CRK: variants seen among roughly 807,000 people sequenced by gnomAD.
CRK encodes the protein adapter molecule crk.
CRK carries 4 observed loss-of-function variants against 29.8 expected under a neutral mutation model. That is an observed-to-expected ratio of 0.13 (90% CI 0.07 to 0.31). CRK has a LOEUF of 0.31. CRK is among the 10% of genes least tolerant of loss of function. The pLI is 1.00. For missense variants in CRK, 274 were observed against 396.5 expected (o/e 0.69, Z 2.62); for synonymous variants, 153 against 164.9 (o/e 0.93, Z 0.55).
chr17:1,428,001 G>C (rs1314591003), intron 2 of CRK, among the ~76,000 whole-genome samples: 1 of 151,922 alleles, frequency 6.6e-6, no homozygotes, highest in Admixed American at 6.6e-5. Flanking sequence ...TCTAAGAGGT[G>C]AAGGGTAGGT....
chr17:1,430,668 TTC>T (rs1313876008), intron 2 of CRK, among the ~76,000 whole-genome samples: 1 of 150,310 alleles, frequency 6.7e-6, no homozygotes, highest in Non-Finnish European at 1.5e-5. Context: ...CCCAGCCTGA[TTC>T]TGATTTTTAA....
Position 1,455,935 on chromosome 17 carries a change from G to A in CRK, c.183C>T (p.Ile61=), listed in dbSNP as rs2074053548. The A allele has an allele frequency of 5.0e-6, 8 of 1,597,264 alleles. No homozygotes were observed. In the South Asian group the frequency reaches 6.7e-5, roughly 13 times the overall value. ...GCGGGCGCGGGCCGCTGCTGTTGAT[G>A]ATGTAGTGGGAGACGCGCGAGTTCT... ...VSENSRVSHY[I]INSSGPRPPV... is the part of the protein sequence containing the mutation. The change falls in exon 1 of 3, where the codon ATC becomes ATT. Residue 61 remains isoleucine, a synonymous_variant. Transcript: ENST00000300574.
Position 1,455,944 on chromosome 17 carries a change from G to A in CRK, c.174C>T (p.Ser58=). 1 of 1,601,728 alleles carries A rather than the reference G, an allele frequency of 6.2e-7. No individual in the cohort carries two copies. Among genetic ancestry groups the A allele is most frequent in the Non-Finnish European group, 8.5e-7 (1 of 1,175,614 alleles). ...VLSVSENSRV[S]HYIINSSGPR... is the part of the protein sequence containing the mutation. Reference sequence around the variant, plus strand: ...GGCCGCTGCTGTTGATGATGTAGTGGGAGACGCGCGAGTTCTCTGAGACGC... The same window carrying A: ...GGCCGCTGCTGTTGATGATGTAGTGAGAGACGCGCGAGTTCTCTGAGACGC... The change falls in exon 1 of 3, where the codon TCC becomes TCT. Residue 58 remains serine (S), a synonymous_variant. Coordinates refer to ENST00000300574, the MANE Select transcript of CRK (RefSeq NM_016823.4).
intron 1 of CRK, among the ~76,000 whole-genome samples, chr17:1,437,572 C>T (rs975710306): frequency 3.3e-5 from 5 of 152,092 alleles, no homozygotes; most frequent in African/African-American, 7.2e-5. Context: ...ACTTGATCAA[C>T]GACGGGGGCT....
At chr17:1,433,164 T>C (rs983700699) in intron 2 of CRK, among the ~76,000 whole-genome samples, 1 of 152,128 alleles carries the variant, frequency 6.6e-6, no homozygotes, top group Non-Finnish European at 1.5e-5. Flanking sequence ...CCAGAGATAA[T>C]GAGAACAAAA....
chr17:1,425,093 TTTG>T (rs2073765372), intron 2 of CRK, among the ~76,000 whole-genome samples: 2 of 151,882 alleles, frequency 1.3e-5, no homozygotes, highest in African/African-American at 2.4e-5. Context: ...AAAGGTTTTT[TTTG>T]TTTGTTTTTT....
At chr17:1,453,488 A>AT (rs1320234103) in intron 1 of CRK, among the ~76,000 whole-genome samples, 4 of 152,198 alleles carry the variant, frequency 2.6e-5, no homozygotes, top group African/African-American at 9.6e-5. Context: ...AAAGTAGAAT[A>AT]TATCTGGTTC....
At chr17:1,442,362 C>T (rs147115271) in intron 1 of CRK, among the ~76,000 whole-genome samples, 161 of 151,882 alleles carry the variant, frequency 1.1e-3, no homozygotes, top group Non-Finnish European at 1.8e-3. Context: ...ATGTTGCCCA[C>T]GCTGGTCTCA....
At chr17:1,451,728 A>G (rs554303807) in intron 1 of CRK, among the ~76,000 whole-genome samples, 1 of 151,830 alleles carries the variant, frequency 6.6e-6, no homozygotes, top group Non-Finnish European at 1.5e-5. Flanking sequence ...GGAAAAAAAA[A>G]CAAAAAACAC....
At chr17:1,430,704 A>C (rs1359230760) in intron 2 of CRK, among the ~76,000 whole-genome samples, 1 of 151,764 alleles carries the variant, frequency 6.6e-6, no homozygotes, top group Non-Finnish European at 1.5e-5. Context: ...ATTTGTAAGC[A>C]ATCAATTGGG....
intron 1 of CRK, among the ~76,000 whole-genome samples, chr17:1,442,984 C>CTTT (rs34493870): frequency 0.55 from 76,664 of 139,818 alleles, 21,256 homozygotes; most frequent in South Asian, 0.65. Flanking sequence ...CCCTTTCTTT[C>CTTT]TTTTTTTTTT....
At chr17:1,424,067 GTTTTTTTTT>G (rs58338503) in intron 2 of CRK, among the ~76,000 whole-genome samples, 1 of 109,836 alleles carries the variant, frequency 9.1e-6, no homozygotes, top group Non-Finnish European at 1.8e-5. Context: ...AGCTTTCTCC[GTTTTTTTTT>G]TTTTTTTTTT....
intron 2 of CRK, among the ~76,000 whole-genome samples, chr17:1,428,365 C>T (rs570888910): frequency 1.3e-5 from 2 of 151,738 alleles, no homozygotes; most frequent in East Asian, 3.9e-4. Flanking sequence ...GATCTGCCTA[C>T]CTCGGCCTCC....
chr17:1,436,186 T>G (rs149051346), intron 2 of CRK, among the ~76,000 whole-genome samples: 2 of 152,236 alleles, frequency 1.3e-5, no homozygotes, highest in Non-Finnish European at 2.9e-5. Context: ...TCAAGTCCCC[T>G]GAAGCAAAAA....
In CRK at chr17:1,432,612, C is replaced by T. The variant is rs372681877; in HGVS notation, c.777+4008G>A. 1.9e-4 allele frequency among the ~76,000 whole-genome samples: 28 copies of T among 150,066 alleles called. No homozygotes were observed. The South Asian group carries it at 5.9e-3, about 32-fold the overall frequency. On this transcript the variant is annotated intron_variant, in intron 2 of 2. Transcript: ENST00000300574. ...CTAACACGGTGAAACCTCATCTCTA[C>T]TAAAAATATAAAAAATTAGCCAGGC...
In CRK at chr17:1,445,858, C is replaced by T. The variant is rs571252067; in HGVS notation, c.242-8703G>A. 1.3e-4 allele frequency among the ~76,000 whole-genome samples: 20 copies of T among 152,344 alleles called. No homozygotes were observed. The South Asian group carries it at 3.9e-3, about 30-fold the overall frequency. On this transcript the variant is annotated intron_variant, in intron 1 of 2. Coordinates refer to ENST00000300574, the MANE Select transcript of CRK (RefSeq NM_016823.4). ...TCCCTTGCTAAGGTTTACCCAACTA[C>T]ATGCCAAGGTGTTCTATTAGTTGTC...
chr17:1,428,521 CTTTT>C (rs754259440), intron 2 of CRK, among the ~76,000 whole-genome samples: 11 of 111,196 alleles, frequency 9.9e-5, no homozygotes, highest in Non-Finnish European at 1.2e-4. Context: ...CATATCAGAT[CTTTT>C]TTTTTTTTTT....
intron 2 of CRK, among the ~76,000 whole-genome samples, chr17:1,430,878 T>G (rs374969701): frequency 6.6e-6 from 1 of 151,062 alleles, no homozygotes; most frequent in Non-Finnish European, 1.5e-5. Context: ...CCATCCTGGC[T>G]AACACGGTGA....
At chr17:1,439,343 C>T (rs142192805) in intron 1 of CRK, among the ~76,000 whole-genome samples, 189 of 152,156 alleles carry the variant, frequency 1.2e-3, no homozygotes, top group African/African-American at 4.3e-3. Flanking sequence ...GTGATCCACC[C>T]GCCTCGGCCT....
Sources: gnomAD v4.1 joint callset for allele counts (sites outside exome capture counted in the v4.1 genomes callset) on GRCh38, gnomAD v4.1.1 for gene constraint, MANE v1.5 for transcripts, NCBI Gene and HGNC (gene_info 2026-07-23, HGNC 2026-07-21) for gene names.